ARMC2: variants seen among roughly 807,000 people sequenced by gnomAD.
ARMC2 encodes armadillo repeat containing 2, also known as armadillo repeat-containing protein 2.
In ARMC2, 67 loss-of-function variants were observed where a neutral mutation model predicts 90.3. That is an observed-to-expected ratio of 0.74 (90% CI 0.61 to 0.91). The LOEUF (loss-of-function observed/expected upper bound fraction) is 0.91, where lower values mean the gene tolerates loss of function less well. ARMC2 is among the 40% of genes least tolerant of loss of function. The pLI is 0.00. For synonymous variants in ARMC2, 393 were observed against 393.0 expected, an observed-to-expected ratio of 1.00 and a Z score of 0.00; for missense variants, 920 against 1,030.9, an observed-to-expected ratio of 0.89 and a Z score of 1.47.
the ARMC2 span, chr6:108,994,565 C>T: frequency 6.2e-7 from 1 of 1,613,596 alleles, no homozygotes; most frequent in Non-Finnish European, 8.5e-7. Context: ...GTAACTGCCT[C>T]ATCTTTTCCA....
At position 108,930,806 on chromosome 6, in the gene ARMC2, A is replaced by G. The variant is rs182487382; in HGVS notation, c.1496+2573A>G. Among the ~76,000 whole-genome samples, 567 of 151,862 alleles carry G rather than the reference A, an allele frequency of 3.7e-3. 11 individuals are homozygous for G. The East Asian group carries it at 0.067, about 18-fold the overall frequency. On this transcript the variant is annotated intron_variant, in intron 11 of 17. Transcript: ENST00000392644. ...GAGACGGGGTTTCACTGTGTTAGCC[A>G]GGATGGTCTCGATATCCTGACCTCG...
the ARMC2 span, among the ~76,000 whole-genome samples, chr6:108,992,369 A>T: frequency 6.6e-6 from 1 of 152,118 alleles, no homozygotes; most frequent in Non-Finnish European, 1.5e-5. Context: ...CACCTGCCTC[A>T]GCCTCCCAAG....
the ARMC2 span, among the ~76,000 whole-genome samples, chr6:109,012,881 G>A: frequency 9.4e-3 from 1,426 of 152,182 alleles, 22 homozygotes; most frequent in African/African-American, 0.033. Context: ...TTGGGAGGCC[G>A]AGGCAGGGCG....
chr6:108,937,509 G>A (rs912378846), intron 12 of ARMC2, among the ~76,000 whole-genome samples: 1 of 152,032 alleles, frequency 6.6e-6, no homozygotes, highest in Non-Finnish European at 1.5e-5. Context: ...TAGCCCTTAA[G>A]TTCTCTAATT....
chr6:108,858,076 T>G, intron 2 of ARMC2, 123 bp from the exon 3 acceptor site: 1 of 603,982 alleles, frequency 1.7e-6, no homozygotes, highest in Non-Finnish European at 2.7e-6. Flanking sequence ...GAAAAAATGT[T>G]TTTCCTCATG....
At chr6:108,855,351 C>G (rs1774455749) in intron 2 of ARMC2, among the ~76,000 whole-genome samples, 1 of 151,630 alleles carries the variant, frequency 6.6e-6, no homozygotes, top group Non-Finnish European at 1.5e-5. Flanking sequence ...CGGGTTCACG[C>G]CATTCTCCTG....
chr6:108,873,449 C>G (rs1439676911), intron 4 of ARMC2, among the ~76,000 whole-genome samples: 2 of 150,870 alleles, frequency 1.3e-5, no homozygotes, highest in Non-Finnish European at 2.9e-5. Flanking sequence ...CTGGGCCTGC[C>G]CCCTCACGGT....
the ARMC2 span, chr6:109,002,424 A>C: frequency 2.8e-6 from 3 of 1,067,790 alleles, no homozygotes; most frequent in East Asian, 2.4e-5. Context: ...AGGGAAAAAC[A>C]ACCAGTCGAA....
chr6:108,926,637 A>G (rs555870297), intron 10 of ARMC2, among the ~76,000 whole-genome samples: 3 of 152,160 alleles, frequency 2.0e-5, no homozygotes, highest in South Asian at 2.1e-4. Context: ...AGGCACGACA[A>G]TTGCTTGAAT....
At chr6:108,990,606 A>G in the ARMC2 span, 1 of 1,597,440 alleles carries the variant, frequency 6.3e-7, no homozygotes. Context: ...TTTGGCCCAG[A>G]GGAAAACATC....
At chr6:109,001,462 T>G in the ARMC2 span, 2 of 1,613,596 alleles carry the variant, frequency 1.2e-6, no homozygotes, top group East Asian at 4.5e-5. Flanking sequence ...CATGCATCTG[T>G]GCGTCTTCAC....
At chr6:108,891,970 A>G (rs1192205448) in intron 5 of ARMC2, among the ~76,000 whole-genome samples, 2 of 152,244 alleles carry the variant, frequency 1.3e-5, no homozygotes, top group Non-Finnish European at 1.5e-5. Flanking sequence ...AAGCATTTGC[A>G]TATAAGAAGG....
At chr6:108,889,071 G>T (rs1216999458) in intron 5 of ARMC2, among the ~76,000 whole-genome samples, 1 of 152,112 alleles carries the variant, frequency 6.6e-6, no homozygotes, top group African/African-American at 2.4e-5. Flanking sequence ...GTCTGCTTAT[G>T]CCTGTCTTTA....
intron 15 of ARMC2, among the ~76,000 whole-genome samples, chr6:108,963,058 G>A (rs776892868): frequency 1.3e-5 from 2 of 151,900 alleles, no homozygotes; most frequent in Non-Finnish European, 2.9e-5. Context: ...GGAAAGAAAG[G>A]GATGTCCAAA....
intron 10 of ARMC2, among the ~76,000 whole-genome samples, chr6:108,921,298 C>T (rs1246524366): frequency 6.6e-6 from 1 of 152,102 alleles, no homozygotes; most frequent in African/African-American, 2.4e-5. Context: ...AATGGAGAAA[C>T]AACAATAAAC....
At chr6:108,879,012 C>T (rs1422616848) in intron 5 of ARMC2, among the ~76,000 whole-genome samples, 1 of 151,528 alleles carries the variant, frequency 6.6e-6, no homozygotes, top group Non-Finnish European at 1.5e-5. Context: ...TACCCATCCA[C>T]CTGTCCATCT....
the ARMC2 span, among the ~76,000 whole-genome samples, chr6:109,025,060 C>A: frequency 6.6e-6 from 1 of 152,212 alleles, no homozygotes; most frequent in East Asian, 1.9e-4. Context: ...GCACAGAAAA[C>A]AGAAGGCAAA....
chr6:108,849,881 C>G (rs995531747), intron 1 of ARMC2, among the ~76,000 whole-genome samples: 3 of 152,216 alleles, frequency 2.0e-5, no homozygotes, highest in Admixed American at 6.5e-5. Context: ...CATTTAAACC[C>G]TTAGTCCAGC....
the ARMC2 span, among the ~76,000 whole-genome samples, chr6:109,038,786 A>C: frequency 6.6e-6 from 1 of 152,158 alleles, no homozygotes; most frequent in African/African-American, 2.4e-5. Context: ...ACTCCATTGT[A>C]GGGATCAGCT....
Sources: gnomAD v4.1 joint callset for allele counts (sites outside exome capture counted in the v4.1 genomes callset) on GRCh38, gnomAD v4.1.1 for gene constraint, MANE v1.5 for transcripts, NCBI Gene and HGNC (gene_info 2026-07-23, HGNC 2026-07-21) for gene names.